Variants in COL21A1 observed in about 807,000 individuals in gnomAD.
The protein encoded by COL21A1 is collagen alpha-1(XXI) chain.
COL21A1 carries 149 observed loss-of-function variants against 137.9 expected under a neutral mutation model. The observed-to-expected ratio is 1.08, with a 90% CI of 0.95 to 1.24. COL21A1 has a LOEUF of 1.24. COL21A1 is among the 50% of genes most tolerant of loss of function. COL21A1 has a pLI of 0.00. For missense variants in COL21A1, 1,167 were observed against 1,158.4 expected, an observed-to-expected ratio of 1.01 and a Z score of -0.11; for synonymous variants, 456 against 391.5, an observed-to-expected ratio of 1.16 and a Z score of -1.95.
chr6:56,195,460 G>A (rs1226704164), intron 1 of COL21A1, among the ~76,000 whole-genome samples: 1 of 151,580 alleles, frequency 6.6e-6, no homozygotes, highest in African/African-American at 2.4e-5. Context: ...GGAAAGAGGG[G>A]CAGAATTGTG....
At position 56,125,535 on chromosome 6, in the gene COL21A1, T is replaced by C. The variant is rs762092247; in HGVS notation, c.1650+32A>G. The C allele has an allele frequency of 2.7e-6, 4 of 1,506,860 alleles. No individual in the cohort carries two copies. The South Asian group carries it at 3.7e-5, about 14-fold the overall frequency. The allele number at this position is 1,506,860 out of a possible 1,614,324, so 93.3% of individuals were successfully genotyped here. On this transcript the variant is annotated intron_variant, in intron 14 of 29. Coordinates refer to ENST00000244728, the MANE Select transcript of COL21A1 (RefSeq NM_030820.4). ...TGTTTCCATTACATTAAAAGTTCAA[T>C]ATGAATACTTTGTTGTGTGATCTAT...
chr6:56,173,736 A>G (rs1777238973), intron 3 of COL21A1, among the ~76,000 whole-genome samples: 1 of 152,206 alleles, frequency 6.6e-6, no homozygotes, highest in African/African-American at 2.4e-5. Flanking sequence ...GAAGGGAGAA[A>G]TAGAAAGAAA....
chr6:56,180,124 G>T lies in COL21A1; in HGVS notation c.94C>A (p.Arg32Ser). ...AAAACTAAATCTGTCGGAGCAGTAC[G>T]ACAACCTAAGTGCAAAAGAAAACCA... ...AEDGEVRSSC[R>S]TAPTDLVFIL... The change falls in exon 3 of 30, where the codon CGT (arginine) becomes AGT (serine). Residue 32 changes from arginine (R) to serine (S), a missense_variant. Physicochemically the swap from Arg to Ser is moderately radical, Grantham distance 110. Transcript: ENST00000244728. 1 of 1,603,380 alleles carries T rather than the reference G, an allele frequency of 6.2e-7. No homozygotes were observed. Among genetic ancestry groups the T allele is most frequent in the South Asian group, 1.1e-5 (1 of 89,190 alleles).
At chr6:56,289,159 G>A (rs1025415525) in intron 1 of COL21A1, among the ~76,000 whole-genome samples, 3 of 152,168 alleles carry the variant, frequency 2.0e-5, no homozygotes, top group Non-Finnish European at 4.4e-5. Flanking sequence ...TCATTACTGT[G>A]TTCACTCATT....
chr6:56,313,767 A>T (rs988515236), intron 1 of COL21A1, among the ~76,000 whole-genome samples: 1 of 152,180 alleles, frequency 6.6e-6, no homozygotes, highest in Non-Finnish European at 1.5e-5. Flanking sequence ...TTAGGAAAAC[A>T]CAATTCAGTC....
intron 17 of COL21A1, among the ~76,000 whole-genome samples, chr6:56,093,147 C>T (rs549868623): frequency 1.0e-3 from 154 of 151,890 alleles, no homozygotes; most frequent in African/African-American, 3.6e-3. Context: ...ACCTTTTTTT[C>T]AAATAAGGTA....
intron 1 of COL21A1, among the ~76,000 whole-genome samples, chr6:56,237,837 C>T (rs139368301): frequency 2.2e-4 from 34 of 152,186 alleles, no homozygotes; most frequent in African/African-American, 8.2e-4. Context: ...CAAAAATATT[C>T]ACATTTTTTC....
chr6:56,181,204 G>T (rs1463204448), intron 2 of COL21A1, among the ~76,000 whole-genome samples: 3 of 152,182 alleles, frequency 2.0e-5, no homozygotes, highest in Non-Finnish European at 4.4e-5. Context: ...CTCAGAAGGT[G>T]TAAGGGACAC....
At chr6:56,191,401 A>G (rs1259912920) in intron 1 of COL21A1, among the ~76,000 whole-genome samples, 4 of 149,498 alleles carry the variant, frequency 2.7e-5, no homozygotes, top group African/African-American at 9.9e-5. Context: ...ACTGACCAAC[A>G]TGGTGAAACC....
chr6:56,059,496 A>G (rs1186874580), intron 28 of COL21A1, among the ~76,000 whole-genome samples: 1 of 152,172 alleles, frequency 6.6e-6, no homozygotes, highest in African/African-American at 2.4e-5. Flanking sequence ...CCTTTGTGTT[A>G]ATCATAGTTT....
chr6:56,327,534 A>C (rs2152343010), intron 1 of COL21A1, among the ~76,000 whole-genome samples: 1 of 152,094 alleles, frequency 6.6e-6, no homozygotes, highest in African/African-American at 2.4e-5. Context: ...CATGTGGTGT[A>C]GGGGAACATG....
intron 1 of COL21A1, among the ~76,000 whole-genome samples, chr6:56,259,709 C>T (rs1206886524): frequency 2.0e-5 from 3 of 152,160 alleles, no homozygotes; most frequent in Admixed American, 2.0e-4. Context: ...GAGAGTTATG[C>T]ATTATACTTT....
At chr6:56,167,795 A>G (rs1480754841) in intron 6 of COL21A1, among the ~76,000 whole-genome samples, 1 of 152,170 alleles carries the variant, frequency 6.6e-6, no homozygotes, top group Non-Finnish European at 1.5e-5. Context: ...CCACTTACAG[A>G]TGAAACTATA....
At chr6:56,080,842 AT>A in intron 17 of COL21A1, among the ~76,000 whole-genome samples, 1 of 151,826 alleles carries the variant, frequency 6.6e-6, no homozygotes, top group East Asian at 1.9e-4. Flanking sequence ...AAAAATTCAC[AT>A]GTTGAAAGTA....
At chr6:56,061,612 A>G (rs1427147929) in intron 25 of COL21A1, 37 bp downstream of exon 25, 1 of 1,490,370 alleles carries the variant, frequency 6.7e-7, no homozygotes, top group Non-Finnish European at 9.2e-7. Flanking sequence ...GGACCGAAGA[A>G]AGAGAGCAAG....
intron 1 of COL21A1, among the ~76,000 whole-genome samples, chr6:56,285,429 C>T (rs921351623): frequency 6.6e-6 from 1 of 152,128 alleles, no homozygotes; most frequent in Non-Finnish European, 1.5e-5. Context: ...TAGAATAAAA[C>T]ACTAGGAGTA....
At chr6:56,284,155 C>T (rs1197031275) in intron 1 of COL21A1, among the ~76,000 whole-genome samples, 4 of 152,124 alleles carry the variant, frequency 2.6e-5, no homozygotes, top group Admixed American at 2.0e-4. Flanking sequence ...TCAAGGGATC[C>T]TCCCACTTCA....
intron 1 of COL21A1, among the ~76,000 whole-genome samples, chr6:56,383,203 C>A (rs1474935499): frequency 6.6e-6 from 1 of 152,128 alleles, no homozygotes; most frequent in Non-Finnish European, 1.5e-5. Flanking sequence ...CTTCTAGATT[C>A]CAGACAGCTG....
chr6:56,150,334 C>G (rs918290016), intron 10 of COL21A1, among the ~76,000 whole-genome samples: 1 of 151,960 alleles, frequency 6.6e-6, no homozygotes, highest in East Asian at 1.9e-4. Context: ...CTAGCTAACA[C>G]GGTGAAACCC....
Sources: gnomAD v4.1 joint callset for allele counts (sites outside exome capture counted in the v4.1 genomes callset) on GRCh38, gnomAD v4.1.1 for gene constraint, MANE v1.5 for transcripts, NCBI Gene and HGNC (gene_info 2026-07-23, HGNC 2026-07-21) for gene names.